TXLNB: variants seen among roughly 807,000 people sequenced by gnomAD.
The protein encoded by TXLNB is taxilin beta, also known as beta-taxilin.
Under a neutral mutation model 57.4 loss-of-function variants are expected in TXLNB, and 37 were observed. The ratio of observed to expected loss-of-function variants is 0.64; its 90% CI spans 0.50 to 0.85. The LOEUF is 0.85. Among genes scored for constraint, TXLNB ranks in the 40% least tolerant of loss-of-function variants. TXLNB has a pLI of 0.00. For missense variants in TXLNB, 848 were observed against 825.6 expected (o/e 1.03, Z -0.33); for synonymous variants, 302 against 309.6 (o/e 0.98, Z 0.26).
chr6:139,191,625 G>A, the TXLNB span, among the ~76,000 whole-genome samples: 2 of 152,226 alleles, frequency 1.3e-5, no homozygotes, highest in East Asian at 3.9e-4. Flanking sequence ...ACCTTAATGA[G>A]TGGGTTCCTA....
At chr6:139,300,105 C>G in the TXLNB span, among the ~76,000 whole-genome samples, 65 of 152,104 alleles carry the variant, frequency 4.3e-4, no homozygotes, top group Non-Finnish European at 1.0e-4. Context: ...GCCCCTCCTC[C>G]CCTGCTGATC....
At chr6:139,253,941 T>G (rs1776272742) in intron 7 of TXLNB, among the ~76,000 whole-genome samples, 1 of 152,166 alleles carries the variant, frequency 6.6e-6, no homozygotes. Flanking sequence ...GGCCTTGGCT[T>G]GATTCCTTGA....
chr6:139,317,400 G>GTTTT, the TXLNB span, among the ~76,000 whole-genome samples: 1 of 144,748 alleles, frequency 6.9e-6, no homozygotes, highest in Non-Finnish European at 1.5e-5. Flanking sequence ...AAAGACAGAG[G>GTTTT]TTTTTTTTTT....
upstream of TXLNB, among the ~76,000 whole-genome samples, chr6:139,293,427 G>A (rs889111807): frequency 6.6e-6 from 1 of 151,994 alleles, no homozygotes. Flanking sequence ...GAAGGCAGTA[G>A]GATTGGAGGC....
the TXLNB span, among the ~76,000 whole-genome samples, chr6:139,318,014 T>C: frequency 3.5e-3 from 537 of 152,020 alleles, 3 homozygotes; most frequent in African/African-American, 0.012. Context: ...CTCACGCCTG[T>C]AATCCCACAC....
At chr6:139,198,701 G>A in the TXLNB span, among the ~76,000 whole-genome samples, 1 of 152,106 alleles carries the variant, frequency 6.6e-6, no homozygotes, top group African/African-American at 2.4e-5. Flanking sequence ...CTCCCTGCTT[G>A]CATTGTCTTG....
chr6:139,255,597 C>A lies in TXLNB; in HGVS notation c.1044G>T (p.Val348=). The change falls in exon 7 of 10, where the codon GTG becomes GTT. Residue 348 remains valine (V), a synonymous_variant. Coordinates refer to ENST00000358430, the MANE Select transcript of TXLNB (RefSeq NM_153235.4). ...GCAGGACTGTCTCTTGCTCCTTCAGCACTTTCGCCTGAAGTTTCCACTCTG... is the reference window on the plus strand; with the variant it reads ...GCAGGACTGTCTCTTGCTCCTTCAGAACTTTCGCCTGAAGTTTCCACTCTG... ...QAAEWKLQAK[V]LKEQETVLQA... 1 of 1,613,906 alleles carries A rather than the reference C, an allele frequency of 6.2e-7. No individual in the cohort carries two copies. The highest frequency in any genetic ancestry group is 8.5e-7 in the Non-Finnish European group (1 of 1,179,890).
chr6:139,255,461 C>T (rs773684598), intron 7 of TXLNB, 103 bp downstream of exon 7: 5 of 846,082 alleles, frequency 5.9e-6, no homozygotes, highest in South Asian at 5.5e-5. Context: ...ATCCCCCCAT[C>T]CCCTGCCACA....
chr6:139,167,938 G>T, the TXLNB span, among the ~76,000 whole-genome samples: 1 of 152,076 alleles, frequency 6.6e-6, no homozygotes, highest in African/African-American at 2.4e-5. Flanking sequence ...ACACGAGGTT[G>T]GTTAGTATAA....
chr6:139,214,712 T>C, the TXLNB span, among the ~76,000 whole-genome samples: 1 of 152,204 alleles, frequency 6.6e-6, no homozygotes, highest in South Asian at 2.1e-4. Context: ...GATGACACGA[T>C]TGTATATCTA....
chr6:139,202,936 G>A, the TXLNB span, among the ~76,000 whole-genome samples: 1 of 152,108 alleles, frequency 6.6e-6, no homozygotes, highest in Non-Finnish European at 1.5e-5. Flanking sequence ...TCCCACATAT[G>A]AGTGAGAACA....
intron 9 of TXLNB, among the ~76,000 whole-genome samples, 197 bp downstream of exon 9, chr6:139,244,396 TTC>T (rs1239218682): frequency 6.6e-6 from 1 of 152,310 alleles, no homozygotes; most frequent in Non-Finnish European, 1.5e-5. Context: ...ACAAAACTCT[TTC>T]TGAGTCTGGA....
intron 2 of TXLNB, among the ~76,000 whole-genome samples, chr6:139,278,523 T>C (rs868136446): frequency 1.3e-5 from 2 of 152,160 alleles, no homozygotes; most frequent in Non-Finnish European, 2.9e-5. Flanking sequence ...CAGGGATGGA[T>C]TTGCATTGGT....
upstream of TXLNB, among the ~76,000 whole-genome samples, chr6:139,296,520 A>G (rs375784586): frequency 6.7e-6 from 1 of 150,256 alleles, no homozygotes; most frequent in African/African-American, 2.5e-5. Flanking sequence ...TCTTTTTTTC[A>G]TTTATTATTT....
intron 3 of TXLNB, among the ~76,000 whole-genome samples, chr6:139,270,943 A>T (rs1246940703): frequency 6.6e-6 from 1 of 152,202 alleles, no homozygotes; most frequent in Non-Finnish European, 1.5e-5. Context: ...ATAGAAAGGC[A>T]TGTCTCAGAA....
Position 139,258,921 on chromosome 6 carries a change from AC to A in TXLNB, c.1002+1396del, listed in dbSNP as rs557218477. Among the ~76,000 whole-genome samples, 216 of 152,240 alleles carry A rather than the reference AC, an allele frequency of 1.4e-3. 1 individual carries two copies. The highest frequency in any genetic ancestry group is 6.8e-3 in the Middle Eastern group (2 of 294). On this transcript the variant is annotated intron_variant, in intron 6 of 9. Transcript: ENST00000358430. The stretch of plus-strand genomic sequence containing the variant: ...CCTCAATTCTCTCATCTGTAGAATG[AC>A]CCTACAGCTTTTTGGGGAGTGCTTG...
chr6:139,189,043 C>T, the TXLNB span, among the ~76,000 whole-genome samples: 1 of 152,250 alleles, frequency 6.6e-6, no homozygotes, highest in African/African-American at 2.4e-5. Flanking sequence ...AGGCGTGAGC[C>T]ACCATGCCCG....
chr6:139,239,684 G>T (rs1291622479), downstream of TXLNB: 1 of 152,104 alleles, frequency 6.6e-6, no homozygotes, highest in Non-Finnish European at 1.5e-5. The surrounding 1 kb of genome is among the most constrained non-coding windows in gnomAD (Gnocchi z 4.7). Context: ...TTTTTGTAGA[G>T]ATGGGGGTTT....
chr6:139,268,996 C>T (rs11755898), intron 4 of TXLNB: 12,910 of 152,162 alleles, frequency 0.085, 619 homozygotes, highest in Middle Eastern at 0.11. Context: ...AACTTCTGGG[C>T]TCAAATGATC....
Sources: gnomAD v4.1 joint callset for allele counts (sites outside exome capture counted in the v4.1 genomes callset) on GRCh38, gnomAD v4.1.1 for gene constraint, Gnocchi (gnomAD v3.1) non-coding constraint, MANE v1.5 for transcripts, NCBI Gene and HGNC (gene_info 2026-07-23, HGNC 2026-07-21) for gene names.